SEMA4G: variants seen among roughly 807,000 people sequenced by gnomAD.
SEMA4G encodes the protein semaphorin-4G.
In SEMA4G, 59 loss-of-function variants were observed where a neutral mutation model predicts 81.2. The observed-to-expected ratio is 0.73, with a 90% CI of 0.59 to 0.90. SEMA4G has a LOEUF of 0.90. Ranked by LOEUF, SEMA4G falls within the 40% of genes least tolerant of loss-of-function variation. The pLI, the probability that SEMA4G is intolerant of heterozygous loss-of-function variation, is 0.00. For synonymous variants in SEMA4G, 404 were observed against 433.9 expected (o/e 0.93, Z 0.86); for missense variants, 952 against 1,102.3 (o/e 0.86, Z 1.93).
exon 14 of SEMA4G, chr10:100,984,163 G>A (rs1373716210): frequency 6.3e-7 from 1 of 1,576,316 alleles, no homozygotes; most frequent in South Asian, 1.2e-5. Context: ...GCTCTTCCAA[G>A]CCAGCCTATC....
chr10:100,984,445 C>CGAA, exon 14 of SEMA4G: 1 of 1,504,106 alleles, frequency 6.6e-7, no homozygotes, highest in Admixed American at 2.1e-5. Flanking sequence ...AGGACTCCAT[C>CGAA]CTCCTGTTCC....
At chr10:100,981,068 G>C in intron 12 of SEMA4G, 71 bp downstream of exon 13, 2 of 1,599,212 alleles carry the variant, frequency 1.3e-6, no homozygotes, top group Non-Finnish European at 1.7e-6. Context: ...GCTACTGGGG[G>C]AGTGCAGGGG....
chr10:100,983,355 C>T, exon 14 of SEMA4G: 1 of 1,601,000 alleles, frequency 6.2e-7, no homozygotes, highest in South Asian at 1.1e-5. Flanking sequence ...TGATGATGTC[C>T]TCCTGCCCTG....
exon 14 of SEMA4G, chr10:100,983,662 C>A: frequency 1.2e-6 from 2 of 1,613,486 alleles, no homozygotes; most frequent in Non-Finnish European, 1.7e-6. Context: ...GCCATTGCCG[C>A]GCTTGGTGGC....
At chr10:100,978,584 G>A (rs756229401) in exon 6 of SEMA4G, 39 of 1,613,958 alleles carry the variant, frequency 2.4e-5, no homozygotes, top group Middle Eastern at 1.6e-4. Flanking sequence ...GACATCCGCC[G>A]GAGCCGCCAC....
intron 6 of SEMA4G, 77 bp from the exon 8 acceptor site, chr10:100,978,772 G>C: frequency 6.3e-7 from 1 of 1,576,624 alleles, no homozygotes; most frequent in East Asian, 2.2e-5. Flanking sequence ...GTGTTGTCAA[G>C]TGAGGGGTCA....
chr10:100,980,679 A>T lies in SEMA4G; in HGVS notation c.1453A>T (p.Ile485Phe). ...GTCCCAGTCTGTGGAAAATCTAGTC[A>T]TCTCTCTATTGCAGGTAGCCCTTCT... Residue 485 changes from isoleucine (I) to phenylalanine (F), a missense_variant, in exon 11 of 14, where the codon ATC (isoleucine) becomes TTC (phenylalanine). By Grantham distance (21) the Ile-to-Phe change is conservative. This residue lies in a region of SEMA4G where 131 missense variants were observed against 200.7 expected (regional missense o/e 0.65). Transcript: ENST00000370250. 4 of 1,613,740 alleles carry T rather than the reference A, an allele frequency of 2.5e-6. No homozygotes were observed. The highest frequency in any genetic ancestry group is 3.4e-6 in the Non-Finnish European group (4 of 1,179,610).
chr10:100,970,394 G>A (rs1310306906), upstream of SEMA4G, among the ~76,000 whole-genome samples: 6 of 152,062 alleles, frequency 3.9e-5, no homozygotes, highest in Admixed American at 3.9e-4. Context: ...TAGGGGTGGA[G>A]GAGTACTAAA....
chr10:100,981,543 T>C, intron 13 of SEMA4G: 1 of 1,613,990 alleles, frequency 6.2e-7, no homozygotes. Context: ...TGAACTGATA[T>C]CTGAAGAAAG....
chr10:100,985,160 T>C, downstream of SEMA4G: 1 of 399,734 alleles, frequency 2.5e-6, no homozygotes, highest in Non-Finnish European at 4.5e-6. Context: ...TTGCTTCCTC[T>C]AGACTACAGC....
upstream of SEMA4G, among the ~76,000 whole-genome samples, chr10:100,970,645 T>A (rs1168611040): frequency 6.6e-6 from 1 of 151,994 alleles, no homozygotes; most frequent in Non-Finnish European, 1.5e-5. Context: ...AGAGGCAGGG[T>A]TCTGCTCTGC....
chr10:100,979,257 G>A (rs374213077), exon 8 of SEMA4G: 27 of 1,614,062 alleles, frequency 1.7e-5, no homozygotes, highest in Non-Finnish European at 2.2e-5. Context: ...CAGCCTTCAC[G>A]CTGAGCACAC....
At chr10:100,976,790 AC>A (rs1167880567) in intron 3 of SEMA4G, among the ~76,000 whole-genome samples, 3 of 152,186 alleles carry the variant, frequency 2.0e-5, no homozygotes, top group Non-Finnish European at 4.4e-5. Flanking sequence ...TTTATAACAT[AC>A]CCCTTTGTAC....
upstream of SEMA4G, among the ~76,000 whole-genome samples, chr10:100,970,335 G>A (rs146854830): frequency 5.6e-3 from 854 of 152,138 alleles, 11 homozygotes; most frequent in African/African-American, 0.019. Flanking sequence ...AGGTTAAGTG[G>A]GGGCTGAGAG....
At chr10:100,984,824 T>C (rs1851350086) in exon 14 of SEMA4G, 1 of 1,523,558 alleles carries the variant, frequency 6.6e-7, no homozygotes, top group Non-Finnish European at 8.8e-7. Flanking sequence ...ATCACTCCCC[T>C]CCTCTCCCTT....
exon 4 of SEMA4G, chr10:100,977,645 A>G (rs759972554): frequency 6.2e-7 from 1 of 1,614,086 alleles, no homozygotes. Flanking sequence ...GAGTGCTTTA[A>G]CCATGTGCGG....
At chr10:100,982,376 T>A (rs888241997) in intron 13 of SEMA4G, among the ~76,000 whole-genome samples, 1 of 152,204 alleles carries the variant, frequency 6.6e-6, no homozygotes, top group Non-Finnish European at 1.5e-5. Flanking sequence ...TTTGTGTTTT[T>A]AAAATACCTC....
At chr10:100,978,421 G>A (rs1850895023) in intron 5 of SEMA4G, 33 bp downstream of exon 6, 1 of 1,606,536 alleles carries the variant, frequency 6.2e-7, no homozygotes, top group South Asian at 1.1e-5. Context: ...CACAGACATG[G>A]TATTTTTAGG....
chr10:100,984,981 G>A, downstream of SEMA4G: 2 of 1,344,340 alleles, frequency 1.5e-6, no homozygotes. Flanking sequence ...CCACTCACAT[G>A]CACCTCTGAG....
Sources: gnomAD v4.1 joint callset for allele counts (sites outside exome capture counted in the v4.1 genomes callset) on GRCh38, gnomAD v4.1.1 for gene constraint, gnomAD v4.1.1 regional missense constraint, MANE v1.5 for transcripts, NCBI Gene and HGNC (gene_info 2026-07-23, HGNC 2026-07-21) for gene names.